Variants in CDH13 observed in about 807,000 individuals in gnomAD.
The protein encoded by CDH13 is cadherin-13.
CDH13 carries 24 observed loss-of-function variants against 63.8 expected under a neutral mutation model. The observed-to-expected ratio is 0.38, with a 90% confidence interval of 0.27 to 0.53. The LOEUF is 0.53. Among genes scored for constraint, CDH13 ranks in the 20% least tolerant of loss-of-function variants. The pLI is 0.85. For missense variants in CDH13, 1,049 were observed against 903.1 expected (o/e 1.16, Z -2.07); for synonymous variants, 503 against 355.3 (o/e 1.42, Z -4.67).
chr16:83,520,777 C>T (rs562429658), intron 7 of CDH13, among the ~76,000 whole-genome samples: 8 of 152,134 alleles, frequency 5.3e-5, no homozygotes, highest in Admixed American at 1.3e-4. Context: ...TTCAGCTGGC[C>T]GGGAAGAGCC....
intron 1 of CDH13, among the ~76,000 whole-genome samples, chr16:82,735,845 C>G (rs1239171617): frequency 3.9e-5 from 6 of 152,144 alleles, no homozygotes; most frequent in African/African-American, 1.4e-4. Flanking sequence ...ACTTGGGTGC[C>G]AAGCCAGCCA....
chr16:82,985,497 T>G (rs1023525762), intron 2 of CDH13, among the ~76,000 whole-genome samples: 4 of 152,216 alleles, frequency 2.6e-5, no homozygotes, highest in African/African-American at 9.7e-5. Flanking sequence ...TTTGTGGCTT[T>G]CCTCCTCCTT....
At chr16:83,540,190 G>A (rs1305362736) in intron 7 of CDH13, among the ~76,000 whole-genome samples, 2 of 151,292 alleles carry the variant, frequency 1.3e-5, no homozygotes, top group African/African-American at 4.9e-5. Context: ...TCAGCCTCCC[G>A]AGTAGCTGGT....
At chr16:83,373,638 T>G (rs2091411819) in intron 6 of CDH13, among the ~76,000 whole-genome samples, 1 of 151,952 alleles carries the variant, frequency 6.6e-6, no homozygotes, top group Admixed American at 6.5e-5. Context: ...GTTAAGACTA[T>G]TAGGAACAAA....
intron 2 of CDH13, among the ~76,000 whole-genome samples, chr16:83,030,147 C>T (rs894724077): frequency 4.6e-5 from 7 of 152,170 alleles, no homozygotes; most frequent in Non-Finnish European, 1.0e-4. Context: ...TTCCTTCCCA[C>T]ACATGAATAA....
chr16:83,023,155 T>A (rs1915496191), intron 2 of CDH13: 1 of 152,204 alleles, frequency 6.6e-6, no homozygotes, highest in South Asian at 2.1e-4. Flanking sequence ...TGTGGTTTTG[T>A]CTCCCAGCTG....
chr16:83,654,504 C>T (rs368367993), intron 8 of CDH13, among the ~76,000 whole-genome samples: 29 of 152,042 alleles, frequency 1.9e-4, no homozygotes, highest in Non-Finnish European at 3.5e-4. Context: ...ATGTCGGGAT[C>T]AGGGGCCAAG....
At chr16:83,080,670 C>G (rs2033165629) in intron 3 of CDH13, among the ~76,000 whole-genome samples, 1 of 152,092 alleles carries the variant, frequency 6.6e-6, no homozygotes, top group Non-Finnish European at 1.5e-5. Context: ...TCAGAAAAGT[C>G]TGCTTGTGTC....
intron 7 of CDH13, among the ~76,000 whole-genome samples, chr16:83,580,174 G>T (rs1481446543): frequency 2.6e-5 from 4 of 152,134 alleles, no homozygotes; most frequent in Non-Finnish European, 4.4e-5. Flanking sequence ...AGTCATGCAA[G>T]GTTGTAGAGA....
At position 82,714,942 on chromosome 16, in the gene CDH13, G is replaced by A. The variant is rs150283351; in HGVS notation, c.45+87805G>A. 3.8e-3 allele frequency among the ~76,000 whole-genome samples: 440 copies of A among 116,508 alleles called. 4 individuals carry two copies. Among genetic ancestry groups the A allele is most frequent in the African/African-American group, 0.013 (423 of 33,262 alleles). The allele number at this position is 116,508 out of a possible 152,430, so 76.4% of individuals were successfully genotyped here. Reference sequence around the variant, plus strand: ...AGACTTTTTGCCTCCAGAACTGTGAGCGATCACATTTCTCTTGTTTTACAC... The same window carrying A: ...AGACTTTTTGCCTCCAGAACTGTGAACGATCACATTTCTCTTGTTTTACAC... On this transcript the variant is annotated intron_variant, in intron 1 of 13. Transcript: ENST00000567109.
At chr16:83,729,683 G>C (rs1910824157) in intron 10 of CDH13, among the ~76,000 whole-genome samples, 1 of 152,144 alleles carries the variant, frequency 6.6e-6, no homozygotes, top group South Asian at 2.1e-4. Flanking sequence ...GTTATTGTTA[G>C]ACTTAAATAA....
chr16:83,018,122 C>T (rs1172429391), intron 2 of CDH13, among the ~76,000 whole-genome samples: 1 of 152,162 alleles, frequency 6.6e-6, no homozygotes, highest in African/African-American at 2.4e-5. Context: ...GTTCAAACCC[C>T]AGTTCTACAA....
At chr16:82,834,974 A>C (rs1362050233) in intron 1 of CDH13, among the ~76,000 whole-genome samples, 1 of 152,210 alleles carries the variant, frequency 6.6e-6, no homozygotes, top group African/African-American at 2.4e-5. Flanking sequence ...ATGTTTGCTC[A>C]GGCCTGCTCT....
chr16:83,595,878 G>A (rs954320464), intron 7 of CDH13, among the ~76,000 whole-genome samples: 2 of 152,154 alleles, frequency 1.3e-5, no homozygotes, highest in African/African-American at 4.8e-5. Flanking sequence ...GCTGGTTTTG[G>A]TACCTAAAAG....
chr16:83,363,546 G>T (rs930301793), intron 6 of CDH13, among the ~76,000 whole-genome samples: 1 of 152,210 alleles, frequency 6.6e-6, no homozygotes, highest in Non-Finnish European at 1.5e-5. Flanking sequence ...TTAGTTGGTG[G>T]TGAGAGGCAT....
At chr16:83,216,697 CTA>C (rs1308782348) in intron 4 of CDH13, among the ~76,000 whole-genome samples, 1 of 145,026 alleles carries the variant, frequency 6.9e-6, no homozygotes, top group Non-Finnish European at 1.5e-5. Context: ...ATTGAGGTAT[CTA>C]TATATAATAT....
chr16:83,146,108 C>T (rs1021032352), intron 4 of CDH13, among the ~76,000 whole-genome samples: 14 of 150,038 alleles, frequency 9.3e-5, no homozygotes, highest in Non-Finnish European at 2.1e-4. Context: ...GCAGGAGAAT[C>T]GCTTGAACCT....
chr16:83,558,279 G>C (rs2075640479), intron 7 of CDH13, among the ~76,000 whole-genome samples: 1 of 152,130 alleles, frequency 6.6e-6, no homozygotes, highest in African/African-American at 2.4e-5. Flanking sequence ...GATCAGCGCG[G>C]TACCAGTTAG....
At position 83,360,483 on chromosome 16, in the gene CDH13, G is replaced by T. The variant is rs569996089; in HGVS notation, c.781+15477G>T. Among the ~76,000 whole-genome samples the T allele has an allele frequency of 9.6e-3, 1,402 of 145,580 alleles. 13 individuals are homozygous for T. The highest frequency in any genetic ancestry group is 0.033 in the African/African-American group (1,278 of 39,216). On this transcript the variant is annotated intron_variant, in intron 6 of 13. Coordinates refer to ENST00000567109, the MANE Select transcript of CDH13 (RefSeq NM_001257.5). ...CTATAATCTCAACCTTTTTTTTTTTGGATTTGGGCATACACATGCAGGCTT... is the reference window on the plus strand; with the variant it reads ...CTATAATCTCAACCTTTTTTTTTTTTGATTTGGGCATACACATGCAGGCTT...
Sources: allele counts gnomAD v4.1 joint callset (sites outside exome capture counted in the v4.1 genomes callset), GRCh38; gene constraint gnomAD v4.1.1; transcripts MANE v1.5; gene names NCBI Gene and HGNC (gene_info 2026-07-23, HGNC 2026-07-21).